The following KCNQ1 variants were observed in gnomAD, a reference collection of about 807,000 sequenced individuals.
The protein encoded by KCNQ1 is potassium voltage-gated channel subfamily Q member 1, also known as potassium voltage-gated channel subfamily KQT member 1.
A neutral mutation model predicts 72.4 loss-of-function variants in KCNQ1; 49 were observed. That is an observed-to-expected ratio of 0.68 (90% CI 0.54 to 0.86). The LOEUF is 0.86. KCNQ1 is among the 40% of genes least tolerant of loss of function. The probability of loss-of-function intolerance (pLI) is 0.00; values close to 1 mark genes in which losing one functional copy is unlikely to be tolerated. For missense variants in KCNQ1, 790 were observed against 945.1 expected, an observed-to-expected ratio of 0.84 and a Z score of 2.15; for synonymous variants, 450 against 412.6, an observed-to-expected ratio of 1.09 and a Z score of -1.10.
At chr11:2,660,615 C>G (rs1007839837) in intron 10 of KCNQ1, 5 of 398,388 alleles carry the variant, frequency 1.3e-5, no homozygotes, top group Non-Finnish European at 2.2e-5. Flanking sequence ...GATGCCAAGC[C>G]CATAAAAGGT....
In KCNQ1 at chr11:2,725,368, T is replaced by C. The variant is rs575832278; in HGVS notation, c.1515-43476T>C. On this transcript the variant is annotated intron_variant, in intron 11 of 15. Transcript: ENST00000155840. This position sits in a 1 kb window ranked among gnomAD's most constrained non-coding sequence, Gnocchi z 7.2. ...GAGTGGCTGGTGGATACTTAGTGGT[T>C]TGGCTTTCGGGTTCCTGCCTTCCAA... Among the ~76,000 whole-genome samples the C allele has an allele frequency of 3.5e-4, 53 of 152,314 alleles. 2 individuals are homozygous for C. Among genetic ancestry groups the C allele is most frequent in the Non-Finnish European group, 6.5e-4 (44 of 68,024 alleles).
intron 11 of KCNQ1, among the ~76,000 whole-genome samples, chr11:2,756,441 T>TA (rs59499292): frequency 0.02 from 2,681 of 137,270 alleles, 37 homozygotes; most frequent in Non-Finnish European, 0.029. Flanking sequence ...TTACTAAAAT[T>TA]AAAAAAAAAA....
chr11:2,681,970 C>T (rs1251273948), intron 11 of KCNQ1: 3 of 398,458 alleles, frequency 7.5e-6, no homozygotes, highest in Admixed American at 8.8e-5. Context: ...TTCCTGTTTG[C>T]CAGGCAAATA....
intron 10 of KCNQ1, chr11:2,646,889 G>A: frequency 2.5e-6 from 1 of 398,526 alleles, no homozygotes. Context: ...AAAAGATTTT[G>A]GTGGAATCTT....
intron 1 of KCNQ1, among the ~76,000 whole-genome samples, chr11:2,505,332 T>C (rs1015423454): frequency 2.6e-5 from 4 of 152,238 alleles, no homozygotes; most frequent in Admixed American, 6.5e-5. Flanking sequence ...CCCATTATCG[T>C]TGGAGAAGAT....
intron 1 of KCNQ1, among the ~76,000 whole-genome samples, chr11:2,449,340 T>G (rs1846091015): frequency 6.6e-6 from 1 of 152,144 alleles, no homozygotes; most frequent in Non-Finnish European, 1.5e-5. Context: ...AGTTGCGAGG[T>G]ACTGGAACCT....
chr11:2,601,179 A>AC lies in KCNQ1; in HGVS notation c.1393+12329dup, dbSNP rs1848802542. 6.6e-6 allele frequency among the ~76,000 whole-genome samples: 1 copy of AC among 151,586 alleles called. No homozygotes were observed. Among genetic ancestry groups the AC allele is most frequent in the Non-Finnish European group, 1.5e-5 (1 of 67,906 alleles). On this transcript the variant is annotated intron_variant, in intron 10 of 15. Transcript: ENST00000155840. This position sits in a 1 kb window ranked among gnomAD's most constrained non-coding sequence, Gnocchi z 5.2. ...AAAATGATCATTTTCCAACTCTAGC[A>AC]CCCCTTCCACGAAAGTACAGAAAGA...
intron 10 of KCNQ1, chr11:2,634,771 G>A (rs544803767): frequency 2.0e-5 from 3 of 152,284 alleles, no homozygotes; most frequent in Non-Finnish European, 2.9e-5. Flanking sequence ...TTCTACAATG[G>A]TTGAACTAGT....
chr11:2,610,695 G>C (rs1681352521), intron 10 of KCNQ1: 1 of 381,884 alleles, frequency 2.6e-6, no homozygotes, highest in Non-Finnish European at 4.5e-6. Flanking sequence ...AAACTTTTCT[G>C]GACACAGTAT....
At chr11:2,628,491 T>C in intron 10 of KCNQ1, 1 of 398,456 alleles carries the variant, frequency 2.5e-6, no homozygotes, top group South Asian at 1.3e-4. Context: ...TTAATTGGGT[T>C]ATTAAGTTTT....
At chr11:2,641,543 G>A (rs1291923231) in intron 10 of KCNQ1, 12 of 398,218 alleles carry the variant, frequency 3.0e-5, no homozygotes. Context: ...TTAGTACCTT[G>A]TCAGATGAGT....
rs1845741707 is a variant in KCNQ1, at chr11:2,725,439, T to G, written c.1515-43405T>G. 6.6e-6 allele frequency among the ~76,000 whole-genome samples: 1 copy of G among 152,214 alleles called. No individual in the cohort carries two copies. On this transcript the variant is annotated intron_variant, in intron 11 of 15. Coordinates refer to ENST00000155840, the MANE Select transcript of KCNQ1 (RefSeq NM_000218.3). This position sits in a 1 kb window ranked among gnomAD's most constrained non-coding sequence, Gnocchi z 7.2. ...CTGCTTTTTCCTCAGAAGAGCCCAC[T>G]TTTTGCGTGGAGGTGACCTGCCATT...
Position 2,654,964 on chromosome 11 carries a change from T to C in KCNQ1, c.1394-6997T>C, listed in dbSNP as rs773729660. ...CTTCCACAAATTATTGTTTCTTGACTTGGAAAAGTATCATGCAAAATAGAA... is the reference window on the plus strand; with the variant it reads ...CTTCCACAAATTATTGTTTCTTGACCTGGAAAAGTATCATGCAAAATAGAA... On this transcript the variant is annotated intron_variant, in intron 10 of 15. Transcript: ENST00000155840. This position sits in a 1 kb window ranked among gnomAD's most constrained non-coding sequence, Gnocchi z 6.4. 9 of 398,468 alleles carry C rather than the reference T, an allele frequency of 2.3e-5. No homozygotes were observed. The highest frequency in any genetic ancestry group is 4.4e-5 in the Admixed American group (1 of 22,712). 24.7% of individuals were successfully genotyped at this position (398,468 alleles called of 1,614,324 possible). A position where few individuals can be genotyped will look rare whatever the true frequency, so the allele number is the denominator to read the frequency against.
chr11:2,831,709 GCCCTC>G (rs1253244767), intron 15 of KCNQ1, among the ~76,000 whole-genome samples: 5 of 110,502 alleles, frequency 4.5e-5, no homozygotes, highest in African/African-American at 1.1e-4. Context: ...TCTCCCCGCT[GCCCTC>G]CCCTCCCCTC....
Position 2,848,051 on chromosome 11 carries a change from G to A in KCNQ1, c.*48G>A. ...GGGCCTGAGTGAGAGGGGAGGCCAAGAGTGGCCCCACCTGGCCCTCTCTGA... is the reference window on the plus strand; with the variant it reads ...GGGCCTGAGTGAGAGGGGAGGCCAAAAGTGGCCCCACCTGGCCCTCTCTGA... On this transcript the variant is annotated 3_prime_UTR_variant, in exon 16 of 16. Coordinates refer to ENST00000155840, the MANE Select transcript of KCNQ1 (RefSeq NM_000218.3). 2 of 1,476,598 alleles carry A rather than the reference G, an allele frequency of 1.4e-6. No homozygotes were observed. Among genetic ancestry groups the A allele is most frequent in the South Asian group, 1.2e-5 (1 of 82,158 alleles). The allele number at this position is 1,476,598 out of a possible 1,614,324, so 91.5% of individuals were successfully genotyped here.
At chr11:2,639,048 A>G (rs1411190509) in intron 10 of KCNQ1, 6 of 152,166 alleles carry the variant, frequency 3.9e-5, no homozygotes, top group Non-Finnish European at 8.8e-5. Flanking sequence ...TTCTTGTGCC[A>G]TGGTTTTCTG....
At chr11:2,553,867 C>T (rs1848030371) in intron 2 of KCNQ1, among the ~76,000 whole-genome samples, 1 of 152,084 alleles carries the variant, frequency 6.6e-6, no homozygotes, top group African/African-American at 2.4e-5. Context: ...AGGCGCCCGC[C>T]ACCACACCCA....
At chr11:2,619,990 T>C (rs1297806217) in intron 10 of KCNQ1, 3 of 398,134 alleles carry the variant, frequency 7.5e-6, no homozygotes, top group African/African-American at 2.1e-5. Flanking sequence ...TAGTACCCAA[T>C]AGGTAGGTTT....
At chr11:2,520,553 T>C (rs1344474240) in intron 1 of KCNQ1, among the ~76,000 whole-genome samples, 1 of 152,148 alleles carries the variant, frequency 6.6e-6, no homozygotes, top group African/African-American at 2.4e-5. Context: ...TGGTAGCTTT[T>C]TCTGAGGTGC....
Sources: allele counts gnomAD v4.1 joint callset (sites outside exome capture counted in the v4.1 genomes callset), GRCh38; gene constraint gnomAD v4.1.1; non-coding constraint Gnocchi (gnomAD v3.1); transcripts MANE v1.5; gene names NCBI Gene and HGNC (gene_info 2026-07-23, HGNC 2026-07-21).